Variants in AIG1 observed in about 807,000 individuals in gnomAD.
AIG1 encodes the protein androgen induced 1.
Under a neutral mutation model 31.4 loss-of-function variants are expected in AIG1, and 23 were observed. The observed-to-expected ratio is 0.73, with a 90% confidence interval of 0.53 to 1.04. AIG1 has a LOEUF of 1.04. AIG1 is among the 50% of genes least tolerant of loss of function. The probability of loss-of-function intolerance (pLI) is 0.00; values close to 1 mark genes in which losing one functional copy is unlikely to be tolerated. For synonymous variants in AIG1, 100 were observed against 110.5 expected, an observed-to-expected ratio of 0.90 and a Z score of 0.60; for missense variants, 274 against 295.0, an observed-to-expected ratio of 0.93 and a Z score of 0.52.
At chr6:143,321,734 A>C (rs1024105378) in intron 4 of AIG1, among the ~76,000 whole-genome samples, 22 of 152,180 alleles carry the variant, frequency 1.4e-4, no homozygotes, top group Non-Finnish European at 3.1e-4. Context: ...TTTTAATATA[A>C]ACATTTTAGA....
rs1172830938 is a variant in AIG1 at position 143,328,505 on chromosome 6, CCTTTCTTAATT to C, written c.516-4774_516-4764del. On this transcript the variant is annotated intron_variant, in intron 4 of 5. Coordinates refer to ENST00000357847, the MANE Select transcript of AIG1 (RefSeq NM_016108.4). This position sits in a 1 kb window ranked among gnomAD's most constrained non-coding sequence, Gnocchi z 4.0. ...GTACCCATGGCACGCCTACACTTAC[CCTTTCTTAATT>C]CTGACTACACTTGTAATTCTTAATT... Among the ~76,000 whole-genome samples, 1 of 152,096 alleles carries C rather than the reference CCTTTCTTAATT, an allele frequency of 6.6e-6. No individual in the cohort carries two copies. The highest frequency in any genetic ancestry group is 6.5e-5 in the Admixed American group (1 of 15,278).
intron 1 of AIG1, among the ~76,000 whole-genome samples, chr6:143,075,869 A>G (rs923005589): frequency 1.3e-5 from 2 of 152,168 alleles, no homozygotes; most frequent in Non-Finnish European, 2.9e-5. Flanking sequence ...GTTGTACACT[A>G]TATTTTTTTA....
chr6:143,342,904 C>T, downstream of AIG1: 1 of 887,434 alleles, frequency 1.1e-6, no homozygotes, highest in Non-Finnish European at 1.9e-6. Context: ...CTCCTTATTT[C>T]ACATGGCAGC....
chr6:143,164,008 T>C (rs1223216016), intron 2 of AIG1, among the ~76,000 whole-genome samples: 2 of 152,174 alleles, frequency 1.3e-5, no homozygotes, highest in East Asian at 1.9e-4. Context: ...ACAACCACTT[T>C]AATCTCTTGC....
intron 3 of AIG1, among the ~76,000 whole-genome samples, chr6:143,171,867 G>A (rs965446575): frequency 2.6e-5 from 4 of 151,840 alleles, no homozygotes; most frequent in Non-Finnish European, 4.4e-5. Flanking sequence ...TTCGATTATA[G>A]CCACCTTCAC....
intron 3 of AIG1, among the ~76,000 whole-genome samples, chr6:143,166,257 G>A (rs1786932583): frequency 6.6e-6 from 1 of 152,114 alleles, no homozygotes; most frequent in African/African-American, 2.4e-5. Context: ...GATTAACATG[G>A]CACCTCTGGT....
chr6:143,255,472 T>G (rs1795314676), intron 3 of AIG1, among the ~76,000 whole-genome samples: 1 of 152,172 alleles, frequency 6.6e-6, no homozygotes, highest in Non-Finnish European at 1.5e-5. Flanking sequence ...GGTGTCTCTG[T>G]CTTGTCCTAT....
At chr6:143,087,568 C>T (rs979147000) in intron 1 of AIG1, among the ~76,000 whole-genome samples, 1 of 152,100 alleles carries the variant, frequency 6.6e-6, no homozygotes, top group African/African-American at 2.4e-5. Flanking sequence ...TCTGCGACGG[C>T]GGCAAACAAC....
chr6:143,308,286 C>T (rs189388584), intron 4 of AIG1, among the ~76,000 whole-genome samples: 3 of 152,366 alleles, frequency 2.0e-5, no homozygotes, highest in Non-Finnish European at 4.4e-5. Context: ...CAGAAATCAC[C>T]CGTCTTCTGC....
At chr6:143,343,245 C>T (rs750279042), downstream of AIG1, 21 of 660,680 alleles carry the variant, frequency 3.2e-5, no homozygotes, top group Non-Finnish European at 4.9e-5. Flanking sequence ...TTATGCAGCA[C>T]ATCTTGGGGG....
intron 4 of AIG1, among the ~76,000 whole-genome samples, chr6:143,303,647 A>G (rs1215104736): frequency 2.0e-5 from 3 of 151,082 alleles, no homozygotes; most frequent in Non-Finnish European, 3.0e-5. Context: ...TATAGTTTGA[A>G]GTCAGGTAGC....
intron 2 of AIG1, among the ~76,000 whole-genome samples, chr6:143,139,639 A>G (rs1784086375): frequency 6.6e-6 from 1 of 151,944 alleles, no homozygotes; most frequent in Admixed American, 6.5e-5. Flanking sequence ...TAAACTTTTA[A>G]ATGTTCCTTT....
At chr6:143,162,548 T>C (rs962638699) in intron 2 of AIG1, among the ~76,000 whole-genome samples, 2 of 152,142 alleles carry the variant, frequency 1.3e-5, no homozygotes, top group African/African-American at 4.8e-5. Context: ...TCCCCTTCTG[T>C]AGAGTATGAG....
intron 3 of AIG1, among the ~76,000 whole-genome samples, chr6:143,239,849 T>G (rs1467527647): frequency 6.6e-6 from 1 of 152,204 alleles, no homozygotes; most frequent in African/African-American, 2.4e-5. Flanking sequence ...CTGGCTTCAT[T>G]ATATTAACCG....
chr6:143,062,030 G>T (rs138028775), intron 1 of AIG1, among the ~76,000 whole-genome samples: 3 of 152,280 alleles, frequency 2.0e-5, no homozygotes, highest in Non-Finnish European at 4.4e-5. Context: ...GGGACTCCCT[G>T]AACTGTTTAT....
chr6:143,246,850 G>T (rs1794655857), intron 3 of AIG1, among the ~76,000 whole-genome samples: 1 of 152,132 alleles, frequency 6.6e-6, no homozygotes, highest in Non-Finnish European at 1.5e-5. Flanking sequence ...CTAGTTCAGG[G>T]GTTCCCAAAA....
intron 1 of AIG1, among the ~76,000 whole-genome samples, chr6:143,097,015 C>G: frequency 6.6e-6 from 1 of 152,166 alleles, no homozygotes. Flanking sequence ...CATATGTGAA[C>G]CAATATCTGG....
At chr6:143,161,943 A>C (rs80246406) in intron 2 of AIG1, among the ~76,000 whole-genome samples, 7,306 of 152,232 alleles carry the variant, frequency 0.048, 388 homozygotes, top group Admixed American at 0.16. Context: ...TGCAGATCAC[A>C]GGCAGTGCAA....
intron 2 of AIG1, among the ~76,000 whole-genome samples, chr6:143,150,140 T>G (rs1785080053): frequency 6.6e-6 from 1 of 152,224 alleles, no homozygotes; most frequent in Non-Finnish European, 1.5e-5. Flanking sequence ...TATAATTGAT[T>G]CCTCCACCCA....
Sources: allele counts gnomAD v4.1 joint callset (sites outside exome capture counted in the v4.1 genomes callset), GRCh38; gene constraint gnomAD v4.1.1; non-coding constraint Gnocchi (gnomAD v3.1); transcripts MANE v1.5; gene names NCBI Gene and HGNC (gene_info 2026-07-23, HGNC 2026-07-21).